Variants in PDLIM7 observed in about 807,000 individuals in gnomAD.
The protein encoded by PDLIM7 is PDZ and LIM domain 7, also known as PDZ and LIM domain protein 7.
Under a neutral mutation model 53.9 loss-of-function variants are expected in PDLIM7, and 37 were observed. That is an observed-to-expected ratio of 0.69 (90% CI 0.53 to 0.90). The LOEUF (loss-of-function observed/expected upper bound fraction) is 0.90. Among genes scored for constraint, PDLIM7 ranks in the 40% least tolerant of loss-of-function variants. PDLIM7 has a pLI of 0.00. For synonymous variants in PDLIM7, 300 were observed against 261.3 expected, an observed-to-expected ratio of 1.15 and a Z score of -1.43; for missense variants, 617 against 638.5, an observed-to-expected ratio of 0.97 and a Z score of 0.36.
chr5:177,484,054 A>G lies in PDLIM7; in HGVS notation c.1171+16T>C, dbSNP rs1460172997. On this transcript the variant is annotated intron_variant, in intron 11 of 12. Transcript: ENST00000355841. Reference sequence around the variant, plus strand: ...CCATGCACCATCCCTCCTCACCCTCACTGGCCAGTGGGTACCTCGCTCGCA... The same window carrying G: ...CCATGCACCATCCCTCCTCACCCTCGCTGGCCAGTGGGTACCTCGCTCGCA... The G allele has an allele frequency of 6.2e-7, 1 of 1,613,606 alleles. No homozygotes were observed. Among genetic ancestry groups the G allele is most frequent in the Non-Finnish European group, 8.5e-7 (1 of 1,179,868 alleles).
intron 10 of PDLIM7, among the ~76,000 whole-genome samples, chr5:177,484,663 T>C (rs1208439737): frequency 6.6e-6 from 1 of 152,234 alleles, no homozygotes; most frequent in Admixed American, 6.5e-5. Flanking sequence ...CTCTCTCTGA[T>C]CCCAGCTGCC....
chr5:177,492,269 A>C (rs1210797348), intron 4 of PDLIM7, 136 bp downstream of exon 4: 1 of 1,138,822 alleles, frequency 8.8e-7, no homozygotes, highest in East Asian at 2.6e-5. Context: ...AGGGCCCTAG[A>C]CCCGCCTTAG....
intron 10 of PDLIM7, among the ~76,000 whole-genome samples, chr5:177,485,360 C>T (rs967795362): frequency 5.9e-5 from 9 of 152,132 alleles, no homozygotes; most frequent in Non-Finnish European, 8.8e-5. Flanking sequence ...CGGGGCCAGC[C>T]GGGGCCAGCC....
intron 7 of PDLIM7, chr5:177,490,301 G>C: frequency 6.9e-7 from 1 of 1,444,284 alleles, no homozygotes; most frequent in Non-Finnish European, 9.1e-7. Context: ...GCAGACAGCA[G>C]TACCACAGGG....
chr5:177,488,085 T>C lies in PDLIM7; in HGVS notation c.1033A>G (p.Lys345Glu), dbSNP rs1441358367. 2.5e-6 allele frequency: 4 copies of C among 1,602,534 alleles called. No homozygotes were observed. Among genetic ancestry groups the C allele is most frequent in the East Asian group, 2.2e-5 (1 of 44,496 alleles). ...VRYAPSCAKCKKKITGEIMHA... is the reference protein window; with the variant it reads ...VRYAPSCAKCEKKITGEIMHA... The stretch of plus-strand genomic sequence containing the variant: ...CTACTCACGCCTGTAATCTTCTTCT[T>C]GCACTTGGCACAGCTGGGTGCATAG... Residue 345 changes from lysine (K) to glutamate (E), a missense_variant, in exon 10 of 13, where the codon AAG (lysine) becomes GAG (glutamate). Coordinates refer to ENST00000355841, the MANE Select transcript of PDLIM7 (RefSeq NM_005451.5).
At position 177,489,559 on chromosome 5, in the gene PDLIM7, C is replaced by A. The variant is rs372132375; in HGVS notation, c.703G>T (p.Ala235Ser). The change falls in exon 9 of 13, where the codon GCC becomes TCC. Residue 235 changes from alanine to serine, a missense_variant. By Grantham distance (99) the Ala-to-Ser change is moderately conservative (BLOSUM62 1). Coordinates refer to ENST00000355841, the MANE Select transcript of PDLIM7 (RefSeq NM_005451.5). ...AGCACTGTGCTCGTTTTGTCCGGGG[C>A]ATAGCGCTCGGCAAACGCAGGGTCC... Reference protein sequence around the residue: ...AVDPAFAERYAPDKTSTVLTR... With the variant: ...AVDPAFAERYSPDKTSTVLTR... The A allele has an allele frequency of 1.9e-6, 3 of 1,610,818 alleles. No homozygotes were observed. The highest frequency in any genetic ancestry group is 2.7e-5 in the African/African-American group (2 of 74,916).
At chr5:177,492,298 A>T in intron 4 of PDLIM7, 107 bp downstream of exon 4, 4 of 1,424,034 alleles carry the variant, frequency 2.8e-6, no homozygotes, top group Non-Finnish European at 3.8e-6. Flanking sequence ...TCTGCCCTCC[A>T]CTCCCGGCCA....
chr5:177,492,382 G>T (rs781400358), intron 4 of PDLIM7, 23 bp downstream of exon 4: 2 of 1,611,968 alleles, frequency 1.2e-6, no homozygotes, highest in Admixed American at 1.7e-5. Context: ...CCCACCGCCC[G>T]GATGTCCCGG....
Position 177,488,135 on chromosome 5 carries a change from A to C in PDLIM7, c.983T>G (p.Phe328Cys). The change falls in exon 10 of 13, where the codon TTC becomes TGC. Residue 328 changes from phenylalanine (F) to cysteine (C), a missense_variant. Transcript: ENST00000355841. ...GCGCACGTCATAGCATGGTGGGCAG[A>C]AGATGGCGCCCTTCTCCTCAAAGAA... Reference protein sequence around the residue: ...GGFFEEKGAIFCPPCYDVRYA... With the variant: ...GGFFEEKGAICCPPCYDVRYA... 6.2e-7 allele frequency: 1 copy of C among 1,613,332 alleles called. No homozygotes were observed. The highest frequency in any genetic ancestry group is 8.5e-7 in the Non-Finnish European group (1 of 1,179,942).
chr5:177,486,983 G>A lies in PDLIM7; in HGVS notation c.1050+1085C>T, dbSNP rs558717771. On this transcript the variant is annotated intron_variant, in intron 10 of 12. Transcript: ENST00000355841. Reference sequence around the variant, plus strand: ...TTTTTTTTTTGCTGTCTCCCAGGCTGGAAGGCAGTGGCACAATCTTGGCTC... The same window carrying A: ...TTTTTTTTTTGCTGTCTCCCAGGCTAGAAGGCAGTGGCACAATCTTGGCTC... Among the ~76,000 whole-genome samples, 3 of 127,922 alleles carry A rather than the reference G, an allele frequency of 2.3e-5. No individual in the cohort carries two copies. In the East Asian group the frequency reaches 7.1e-4, roughly 30 times the overall value. The allele number at this position is 127,922 out of a possible 152,430, so 83.9% of individuals were successfully genotyped here.
intron 4 of PDLIM7, 75 bp from the exon 5 acceptor site, chr5:177,492,000 A>C (rs1373305660): frequency 3.0e-6 from 2 of 656,210 alleles, no homozygotes; most frequent in Non-Finnish European, 4.6e-6. Flanking sequence ...GGGCGCCTGC[A>C]GCAGAGGACA....
In PDLIM7 at chr5:177,497,235, G is replaced by A. The variant is rs556265557; in HGVS notation, c.-12+293C>T. Among the ~76,000 whole-genome samples the A allele has an allele frequency of 5.9e-5, 9 of 152,082 alleles. No homozygotes were observed. The East Asian group carries it at 1.8e-3, about 30-fold the overall frequency. On this transcript the variant is annotated intron_variant, in intron 1 of 12. Transcript: ENST00000355841. ...CCTTCCCCGAGCCCAGTGGGGGGTGGTGCCTCCCACACAGAACTGCTCCCA... is the reference window on the plus strand; with the variant it reads ...CCTTCCCCGAGCCCAGTGGGGGGTGATGCCTCCCACACAGAACTGCTCCCA...
chr5:177,483,430 G>A lies in PDLIM7; in HGVS notation c.*214C>T. The A allele has an allele frequency of 1.9e-6, 1 of 529,806 alleles. No individual in the cohort carries two copies. The highest frequency in any genetic ancestry group is 3.4e-6 in the Non-Finnish European group (1 of 298,212). 32.8% of individuals were successfully genotyped at this position (529,806 alleles called of 1,614,324 possible). A position where few individuals can be genotyped will look rare whatever the true frequency, so the allele number is the denominator to read the frequency against. On this transcript the variant is annotated 3_prime_UTR_variant, in exon 13 of 13. Transcript: ENST00000355841. Reference sequence around the variant, plus strand: ...ACAGGTTTATTGTGGCACTGGAGGTGAAAGGGGGCTGGTGTGGCCAGCACC... The same window carrying A: ...ACAGGTTTATTGTGGCACTGGAGGTAAAAGGGGGCTGGTGTGGCCAGCACC...
rs1360953630 is a variant in PDLIM7 at position 177,496,428 on chromosome 5, A to T, written c.85T>A (p.Ser29Thr). ...AAACCTAGGCTCACCCGGGAAATGG[A>T]GAGGGGCACATTGAAGTCCTTGCCC... Reference protein sequence around the residue: ...QGGKDFNVPLSISRLTPGGKA... With the variant: ...QGGKDFNVPLTISRLTPGGKA... Residue 29 changes from serine to threonine, a missense_variant, in exon 2 of 13, where the codon TCC becomes ACC. Ser to Thr is a moderately conservative substitution (Grantham distance 58). Transcript: ENST00000355841. The T allele has an allele frequency of 6.3e-7, 1 of 1,595,910 alleles. No homozygotes were observed. The highest frequency in any genetic ancestry group is 8.5e-7 in the Non-Finnish European group (1 of 1,171,058).
chr5:177,488,374 CATAGG>C lies in PDLIM7; in HGVS notation c.870-131_870-127del, dbSNP rs994288828. The C allele has an allele frequency of 3.5e-5, 26 of 743,770 alleles. No homozygotes were observed. The Admixed American group carries it at 6.0e-4, about 17-fold the overall frequency. 46.1% of individuals were successfully genotyped at this position (743,770 alleles called of 1,614,324 possible). A position where few individuals can be genotyped will look rare whatever the true frequency, so the allele number is the denominator to read the frequency against. On this transcript the variant is annotated intron_variant, in intron 9 of 12. Transcript: ENST00000355841. Reference sequence around the variant, plus strand: ...GACAGTTCATTCTCCCCATTTTCCACATAGGATAGAAGACAGGCTTGGGAAGTGAC... The same window carrying C: ...GACAGTTCATTCTCCCCATTTTCCACATAGAAGACAGGCTTGGGAAGTGAC...
chr5:177,486,677 C>T (rs163200), intron 10 of PDLIM7, among the ~76,000 whole-genome samples: 19,352 of 152,050 alleles, frequency 0.13, 2,866 homozygotes, highest in African/African-American at 0.36. Context: ...CTCGCTCTGT[C>T]GCCCAGGCTG....
intron 2 of PDLIM7, 161 bp from the exon 3 acceptor site, chr5:177,492,838 C>T: frequency 1.4e-6 from 1 of 702,684 alleles, no homozygotes; most frequent in East Asian, 2.7e-5. Flanking sequence ...TAAAGCAACC[C>T]AGGAGGTGGT....
Position 177,491,077 on chromosome 5 carries a change from C to T in PDLIM7, c.468G>A (p.Arg156=), listed in dbSNP as rs1406240880. 6.2e-7 allele frequency: 1 copy of T among 1,611,830 alleles called. No homozygotes were observed. Among genetic ancestry groups the T allele is most frequent in the East Asian group, 2.2e-5 (1 of 44,816 alleles). The part of the protein sequence containing the change: ...QRLMENTEDW[R]PRPGTGQSRS... ...GCGACTGGCCTGTCCCCGGCCGCGG[C>T]CGCCAGTCCTCTGTGTTCTCCATCA... The change falls in exon 6 of 13, where the codon CGG becomes CGA. Residue 156 remains arginine (R), a synonymous_variant. Coordinates refer to ENST00000355841, the MANE Select transcript of PDLIM7 (RefSeq NM_005451.5).
At position 177,490,921 on chromosome 5, in the gene PDLIM7, G is replaced by A; in HGVS notation, c.536-15C>T. 3 of 1,614,124 alleles carry A rather than the reference G, an allele frequency of 1.9e-6. No individual in the cohort carries two copies. The highest frequency in any genetic ancestry group is 2.2e-5 in the South Asian group (2 of 91,088). On this transcript the variant is annotated splice_polypyrimidine_tract_variant and intron_variant, in intron 6 of 12. Transcript: ENST00000355841. The stretch of plus-strand genomic sequence containing the variant: ...CGGGTCTTGCACTGAGAGGGCAGAG[G>A]CAGGCATTGACCAAAAAAGACACAG...
Sources: gnomAD v4.1 joint callset for allele counts (sites outside exome capture counted in the v4.1 genomes callset) on GRCh38, gnomAD v4.1.1 for gene constraint, MANE v1.5 for transcripts, NCBI Gene and HGNC (gene_info 2026-07-23, HGNC 2026-07-21) for gene names.